Variants in TSNARE1 observed in about 807,000 individuals in gnomAD.
TSNARE1 encodes the protein t-SNARE domain containing 1, also known as t-SNARE domain-containing protein 1.
Under a neutral mutation model 62.0 loss-of-function variants are expected in TSNARE1, and 49 were observed. The ratio of observed to expected loss-of-function variants is 0.79; its 90% CI spans 0.63 to 1.00. TSNARE1 has a LOEUF of 1.00. Ranked by LOEUF, TSNARE1 falls within the 50% of genes least tolerant of loss-of-function variation. The pLI is 0.00. For missense variants in TSNARE1, 755 were observed against 700.1 expected (o/e 1.08, Z -0.88); for synonymous variants, 328 against 294.4 (o/e 1.11, Z -1.17).
At position 142,342,326 on chromosome 8, in the gene TSNARE1, G is replaced by A. The variant is rs77353997; in HGVS notation, c.745+1640C>T. Among the ~76,000 whole-genome samples, 689 of 152,300 alleles carry A rather than the reference G, an allele frequency of 4.5e-3. 6 individuals are homozygous for A. The highest frequency in any genetic ancestry group is 0.015 in the African/African-American group (639 of 41,566). Reference sequence around the variant, plus strand: ...AGAGATGCCTACTTAGGTCTGCCCCGTCCAGGTGGGGCTGGGAGCACTTGC... The same window carrying A: ...AGAGATGCCTACTTAGGTCTGCCCCATCCAGGTGGGGCTGGGAGCACTTGC... On this transcript the variant is annotated intron_variant, in intron 4 of 13. Coordinates refer to ENST00000524325, the MANE Select transcript of TSNARE1 (RefSeq NM_145003.5).
upstream of TSNARE1, chr8:142,406,092 C>T (rs1426975001): frequency 6.6e-6 from 1 of 152,370 alleles, no homozygotes; most frequent in Non-Finnish European, 1.5e-5. Context: ...GACAGTCTTC[C>T]TTTCTCCTGG....
At chr8:142,405,419 A>C (rs1189829336), upstream of TSNARE1, 1 of 152,138 alleles carries the variant, frequency 6.6e-6, no homozygotes. Context: ...GATTGGCCCC[A>C]GGACGCTGAG....
At chr8:142,360,131 C>T (rs940662936) in intron 1 of TSNARE1, among the ~76,000 whole-genome samples, 7 of 152,190 alleles carry the variant, frequency 4.6e-5, no homozygotes, top group Admixed American at 6.5e-5. Context: ...GAGTTCAGGA[C>T]GCGGTGGCGC....
At chr8:142,380,554 C>T (rs1230816061) in intron 1 of TSNARE1, among the ~76,000 whole-genome samples, 3 of 151,300 alleles carry the variant, frequency 2.0e-5, no homozygotes, top group African/African-American at 7.3e-5. Context: ...CACCCCACTT[C>T]TCACAGCAGC....
chr8:142,310,617 G>C (rs760467501), intron 9 of TSNARE1, among the ~76,000 whole-genome samples: 3 of 151,800 alleles, frequency 2.0e-5, no homozygotes, highest in Non-Finnish European at 4.4e-5. Flanking sequence ...CTGGAGATTA[G>C]TTATTTTTCT....
chr8:142,385,824 A>G (rs1284436577), intron 1 of TSNARE1, among the ~76,000 whole-genome samples: 1 of 152,250 alleles, frequency 6.6e-6, no homozygotes, highest in African/African-American at 2.4e-5. Flanking sequence ...GTAGCTGCTT[A>G]AAACAGACAA....
chr8:142,261,149 G>A (rs1818864870), intron 12 of TSNARE1, among the ~76,000 whole-genome samples: 1 of 118,094 alleles, frequency 8.5e-6, no homozygotes, highest in Non-Finnish European at 1.8e-5. Flanking sequence ...GGAGGAAAGA[G>A]GTAGAAGGGA....
At chr8:142,227,189 G>C (rs1816854221) in intron 13 of TSNARE1, among the ~76,000 whole-genome samples, 1 of 144,044 alleles carries the variant, frequency 6.9e-6, no homozygotes, top group African/African-American at 2.6e-5. Flanking sequence ...CCCAGTGACA[G>C]TGAGGACCTC....
chr8:142,276,952 C>T (rs1020226316), intron 11 of TSNARE1: 48 of 985,342 alleles, frequency 4.9e-5, no homozygotes, highest in East Asian at 1.1e-4. Context: ...TGTCCTGCCC[C>T]GGCGCAGTGC....
intron 11 of TSNARE1, among the ~76,000 whole-genome samples, chr8:142,283,581 T>G (rs1346872809): frequency 2.7e-5 from 3 of 113,174 alleles, no homozygotes; most frequent in Non-Finnish European, 5.1e-5. Context: ...TGTCTGTCAA[T>G]GAGCAGAGGC....
intron 9 of TSNARE1, among the ~76,000 whole-genome samples, chr8:142,304,229 G>A (rs573079564): frequency 6.6e-6 from 1 of 152,370 alleles, no homozygotes; most frequent in African/African-American, 2.4e-5. Context: ...AGTGCCTGGC[G>A]GTGGGAGCCC....
chr8:142,296,416 T>TGGTCACTGTCATGGGGGAGGGGC, intron 10 of TSNARE1, among the ~76,000 whole-genome samples: 1 of 46,382 alleles, frequency 2.2e-5, no homozygotes, highest in Non-Finnish European at 3.9e-5. Context: ...GGAGGAGAGG[T>TGGTCACTGTCATGGGGGAGGGGC]GGTCACTGTC....
intron 11 of TSNARE1, among the ~76,000 whole-genome samples, chr8:142,280,504 G>T (rs900450448): frequency 1.3e-5 from 2 of 152,266 alleles, no homozygotes; most frequent in East Asian, 1.9e-4. Context: ...TACTCTCTGG[G>T]CCTCCCGCCT....
At chr8:142,236,135 C>T in intron 12 of TSNARE1, among the ~76,000 whole-genome samples, 1 of 152,250 alleles carries the variant, frequency 6.6e-6, no homozygotes, top group African/African-American at 2.4e-5. Context: ...GGTCAGTTTC[C>T]TCTGGAGGTG....
In TSNARE1 at chr8:142,400,013, G is replaced by A. The variant is rs1587169121; in HGVS notation, c.-40+3091C>T. ...AGTTCAAGACCAGCCTGGGCAACTG[G>A]GCAACACAGTGAGACACGCCTATCT... On this transcript the variant is annotated intron_variant, in intron 1 of 13. Coordinates refer to ENST00000524325, the MANE Select transcript of TSNARE1 (RefSeq NM_145003.5). 3.3e-5 allele frequency among the ~76,000 whole-genome samples: 5 copies of A among 152,000 alleles called. No homozygotes were observed. The East Asian group carries it at 9.7e-4, about 29-fold the overall frequency.
intron 7 of TSNARE1, among the ~76,000 whole-genome samples, chr8:142,316,765 C>T (rs537784490): frequency 1.3e-5 from 2 of 151,944 alleles, no homozygotes; most frequent in African/African-American, 4.8e-5. Context: ...CGTTTTCTTG[C>T]GTGGGGGCAT....
At chr8:142,278,812 G>T (rs1451114556) in intron 11 of TSNARE1, 1 of 985,254 alleles carries the variant, frequency 1.0e-6, no homozygotes, top group African/African-American at 1.7e-5. Context: ...GGGCCCAGAG[G>T]GAGGGGCCTG....
intron 13 of TSNARE1, among the ~76,000 whole-genome samples, chr8:142,222,121 T>TTCACTCACTCATCCACTCATTCGC (rs1816306349): frequency 9.3e-6 from 1 of 107,344 alleles, no homozygotes; most frequent in African/African-American, 3.8e-5. Flanking sequence ...CATCCACTCA[T>TTCACTCACTCATCCACTCATTCGC]TCACTCACTC....
intron 12 of TSNARE1, among the ~76,000 whole-genome samples, chr8:142,234,394 G>A (rs1422176188): frequency 1.3e-5 from 2 of 151,538 alleles, no homozygotes; most frequent in Non-Finnish European, 2.9e-5. Context: ...TGGGTTCAGG[G>A]AAGGTTCCAA....
Sources: allele counts gnomAD v4.1 joint callset (sites outside exome capture counted in the v4.1 genomes callset), GRCh38; gene constraint gnomAD v4.1.1; transcripts MANE v1.5; gene names NCBI Gene and HGNC (gene_info 2026-07-23, HGNC 2026-07-21).